The following FMNL2 variants were observed in gnomAD, a reference collection of about 807,000 sequenced individuals.
FMNL2 encodes the protein formin like 2.
A neutral mutation model predicts 130.2 loss-of-function variants in FMNL2; 51 were observed. That is an observed-to-expected ratio of 0.39 (90% CI 0.31 to 0.49). The LOEUF is 0.49. Among genes scored for constraint, FMNL2 ranks in the 20% least tolerant of loss-of-function variants. FMNL2 has a pLI of 0.85. For missense variants in FMNL2, 977 were observed against 1,316.2 expected, an observed-to-expected ratio of 0.74 and a Z score of 3.99; for synonymous variants, 465 against 467.1, an observed-to-expected ratio of 1.00 and a Z score of 0.06.
chr2:152,420,894 A>T (rs1004871232), intron 1 of FMNL2, among the ~76,000 whole-genome samples: 2 of 152,162 alleles, frequency 1.3e-5, no homozygotes, highest in Non-Finnish European at 2.9e-5. Context: ...GAGCACAGGA[A>T]AGACTAGGAG....
At chr2:152,466,210 C>T (rs6759772) in intron 1 of FMNL2, among the ~76,000 whole-genome samples, 89,736 of 152,012 alleles carry the variant, frequency 0.59, 29,103 homozygotes, top group East Asian at 0.97. Context: ...TGTCACTTGG[C>T]GCCTCCATCC....
Position 152,629,889 on chromosome 2 carries a change from T to A in FMNL2, c.2534T>A (p.Leu845His). ...AGAGGAGCAGTTTATGGATTTAAAC[T>A]TCAGAGTTTAGATCTGGTGAGTGGA... The part of the protein sequence containing the change: ...SKRGAVYGFK[L>H]QSLDLLLDTK... Residue 845 changes from leucine to histidine, a missense_variant, in exon 20 of 26, where the codon CTT (leucine) becomes CAT (histidine). By Grantham distance (99) the Leu-to-His change is moderately conservative. Around this residue, in one of 4 missense-constraint regions of FMNL2, gnomAD observed 689 missense variants for 995.9 expected, o/e 0.69. Transcript: ENST00000288670. 1 of 1,609,760 alleles carries A rather than the reference T, an allele frequency of 6.2e-7. No individual in the cohort carries two copies. The highest frequency in any genetic ancestry group is 8.5e-7 in the Non-Finnish European group (1 of 1,177,896).
At chr2:152,646,547 A>G (rs940635439) in intron 25 of FMNL2, among the ~76,000 whole-genome samples, 3 of 151,140 alleles carry the variant, frequency 2.0e-5, no homozygotes, top group Admixed American at 1.3e-4. Context: ...CTTTATGTTA[A>G]TTACCAATTT....
rs868155821 is a variant in FMNL2 at position 152,601,308 on chromosome 2, T to C, written c.877-6031T>C. 9.0e-3 allele frequency among the ~76,000 whole-genome samples: 1,342 copies of C among 148,304 alleles called. 23 individuals are homozygous for C. Among genetic ancestry groups the C allele is most frequent in the African/African-American group, 0.031 (1,243 of 40,244 alleles). ...TTTCTTTTCTTTTCTTTTTTCTTTT[T>C]TTTTTTTTTTGAGATGGAGTCTCGC... On this transcript the variant is annotated intron_variant, in intron 9 of 25. Transcript: ENST00000288670.
intron 1 of FMNL2, among the ~76,000 whole-genome samples, chr2:152,365,409 T>G (rs532469846): frequency 6.6e-6 from 1 of 152,328 alleles, no homozygotes; most frequent in East Asian, 1.9e-4. Context: ...GTCAAACTTA[T>G]GTTTTAGAAA....
At chr2:152,637,713 A>T in intron 23 of FMNL2, 39 bp downstream of exon 23, 1 of 1,570,130 alleles carries the variant, frequency 6.4e-7, no homozygotes, top group Non-Finnish European at 8.8e-7. Context: ...TTTCTCAAGC[A>T]ATTGCCCTCC....
chr2:152,530,088 C>T (rs1322861081), intron 2 of FMNL2, among the ~76,000 whole-genome samples: 1 of 152,144 alleles, frequency 6.6e-6, no homozygotes, highest in Non-Finnish European at 1.5e-5. Flanking sequence ...TTAAAAATGA[C>T]TTAATTGCCT....
intron 5 of FMNL2, 96 bp downstream of exon 5, chr2:152,558,919 T>G: frequency 9.1e-7 from 1 of 1,103,686 alleles, no homozygotes. Context: ...GGGCAGAAAC[T>G]CAGAAGCAGA....
At chr2:152,392,510 CG>C (rs1312592915) in intron 1 of FMNL2, among the ~76,000 whole-genome samples, 1 of 152,124 alleles carries the variant, frequency 6.6e-6, no homozygotes, top group Non-Finnish European at 1.5e-5. Context: ...GGGAAGTCCA[CG>C]ATCAAGGTGC....
At chr2:152,647,268 T>C (rs557810390) in intron 25 of FMNL2, among the ~76,000 whole-genome samples, 1 of 152,318 alleles carries the variant, frequency 6.6e-6, no homozygotes, top group East Asian at 1.9e-4. Flanking sequence ...CATCATTTTG[T>C]TTAAAATTTA....
chr2:152,337,098 C>G (rs1397641965), intron 1 of FMNL2, among the ~76,000 whole-genome samples: 1 of 152,154 alleles, frequency 6.6e-6, no homozygotes, highest in Admixed American at 6.5e-5. Flanking sequence ...CTCCCGCCAC[C>G]TGGAAACTCT....
chr2:152,565,319 C>T (rs1011256155), intron 6 of FMNL2, among the ~76,000 whole-genome samples: 3 of 152,056 alleles, frequency 2.0e-5, no homozygotes, highest in Non-Finnish European at 2.9e-5. Flanking sequence ...CAGAGTTGGT[C>T]CTCAGGGTAA....
chr2:152,634,500 G>A (rs1333221768), intron 21 of FMNL2, among the ~76,000 whole-genome samples: 1 of 152,110 alleles, frequency 6.6e-6, no homozygotes, highest in Non-Finnish European at 1.5e-5. Flanking sequence ...ACACATTTTT[G>A]CCAATGAGAA....
intron 4 of FMNL2, among the ~76,000 whole-genome samples, chr2:152,550,110 CT>C (rs1270272221): frequency 1.8e-4 from 28 of 152,258 alleles, no homozygotes; most frequent in Middle Eastern, 6.8e-3. Flanking sequence ...TTTTCCCCCC[CT>C]CATCAATGTC....
chr2:152,425,169 C>T (rs988302310), intron 1 of FMNL2, among the ~76,000 whole-genome samples: 1 of 152,144 alleles, frequency 6.6e-6, no homozygotes, highest in Non-Finnish European at 1.5e-5. Flanking sequence ...AGGAGCAGTC[C>T]AGTTTTCTGG....
chr2:152,586,633 G>T (rs1442988540), intron 9 of FMNL2, among the ~76,000 whole-genome samples: 1 of 152,134 alleles, frequency 6.6e-6, no homozygotes, highest in Non-Finnish European at 1.5e-5. Context: ...ATTCTCTCAA[G>T]TCTCAAACTG....
At chr2:152,420,624 G>A (rs1176258579) in intron 1 of FMNL2, among the ~76,000 whole-genome samples, 3 of 152,186 alleles carry the variant, frequency 2.0e-5, no homozygotes. Context: ...GCTGACCAGC[G>A]ACATCTCATT....
chr2:152,404,281 A>G (rs1483279047), intron 1 of FMNL2, among the ~76,000 whole-genome samples: 2 of 152,210 alleles, frequency 1.3e-5, no homozygotes, highest in Non-Finnish European at 2.9e-5. Context: ...ATACGTATCA[A>G]TGGACAAGCT....
chr2:152,380,645 C>G (rs1684409574), intron 1 of FMNL2, among the ~76,000 whole-genome samples: 1 of 152,202 alleles, frequency 6.6e-6, no homozygotes, highest in African/African-American at 2.4e-5. Context: ...ATGGATTACT[C>G]GCTGTACCTA....
Sources: allele counts gnomAD v4.1 joint callset (sites outside exome capture counted in the v4.1 genomes callset), GRCh38; gene constraint gnomAD v4.1.1; regional missense constraint gnomAD v4.1.1; transcripts MANE v1.5; gene names NCBI Gene and HGNC (gene_info 2026-07-23, HGNC 2026-07-21).